PI4KA: variants seen among roughly 807,000 people sequenced by gnomAD.
PI4KA encodes the protein phosphatidylinositol 4-kinase alpha.
In PI4KA, 122 loss-of-function variants were observed where a neutral mutation model predicts 271.4. The observed-to-expected ratio is 0.45, with a 90% confidence interval of 0.39 to 0.52. The LOEUF is 0.52. Ranked by LOEUF, PI4KA falls within the 20% of genes least tolerant of loss-of-function variation. The pLI is 0.00. For synonymous variants in PI4KA, 1,041 were observed against 1,078.8 expected, an observed-to-expected ratio of 0.96 and a Z score of 0.69; for missense variants, 1,969 against 2,769.1, an observed-to-expected ratio of 0.71 and a Z score of 6.48.
chr22:20,850,683 C>T (rs182903485), intron 1 of PI4KA, among the ~76,000 whole-genome samples: 28 of 151,918 alleles, frequency 1.8e-4, no homozygotes, highest in Non-Finnish European at 3.2e-4. Context: ...GTGATCCGCC[C>T]GCCTCGGCCT....
chr22:20,811,516 A>G (rs1921002417), intron 8 of PI4KA, among the ~76,000 whole-genome samples: 1 of 148,176 alleles, frequency 6.7e-6, no homozygotes, highest in Admixed American at 7.0e-5. Context: ...TAGAGCTCAT[A>G]TTTTAAATTT....
At position 20,714,638 on chromosome 22, in the gene PI4KA, G is replaced by A. The variant is rs779563104; in HGVS notation, c.5380C>T (p.Pro1794Ser). 6.2e-7 allele frequency: 1 copy of A among 1,614,008 alleles called. No individual in the cohort carries two copies. Among genetic ancestry groups the A allele is most frequent in the Admixed American group, 1.7e-5 (1 of 60,022 alleles). Residue 1794 changes from proline to serine, a missense_variant, in exon 46 of 55, where the codon CCG (proline) becomes TCG (serine). Coordinates refer to ENST00000255882, the MANE Select transcript of PI4KA (RefSeq NM_058004.4). Reference protein sequence around the residue: ...VLDIDYKSGTPMQSAAKAPYL... With the variant: ...VLDIDYKSGTSMQSAAKAPYL... ...GGGTGAGGCGCCCACCTCTGCATCG[G>A]GGTCCCAGACTTGTAGTCGATGTCC... is the stretch of plus-strand genomic sequence containing the variant.
chr22:20,725,066 C>T (rs1284328118), intron 42 of PI4KA, among the ~76,000 whole-genome samples: 1 of 152,218 alleles, frequency 6.6e-6, no homozygotes, highest in Non-Finnish European at 1.5e-5. Context: ...AGGCTGGCTG[C>T]TGTTCTAGAA....
chr22:20,751,759 C>T lies in PI4KA; in HGVS notation c.2988-4G>A. 1.2e-6 allele frequency: 2 copies of T among 1,613,612 alleles called. No homozygotes were observed. The highest frequency in any genetic ancestry group is 1.1e-5 in the South Asian group (1 of 91,066). ...GCTCCAGAGCAAGTGGGGAAACCTG[C>T]ACCAAGAGCCAGCTCTCAGGACCAA... is the stretch of plus-strand genomic sequence containing the variant. On this transcript the variant is annotated splice_polypyrimidine_tract_variant and splice_region_variant and intron_variant, in intron 25 of 54. Transcript: ENST00000255882.
chr22:20,751,337 C>T lies in PI4KA; in HGVS notation c.3109G>A (p.Ala1037Thr), dbSNP rs1568988215. Residue 1037 changes from alanine to threonine, a missense_variant, in exon 27 of 55, where the codon GCC becomes ACC. Transcript: ENST00000255882. The part of the protein sequence containing the change: ...KDQPYYDIPD[A>T]PYRITVPDTY... ...TCAGGAACCGTGATCCGGTAGGGGGCGTCGGGGATGTCATAGTAAGGCTGA... is the reference window on the plus strand; with the variant it reads ...TCAGGAACCGTGATCCGGTAGGGGGTGTCGGGGATGTCATAGTAAGGCTGA... 1.9e-6 allele frequency: 3 copies of T among 1,613,912 alleles called. No individual in the cohort carries two copies. The highest frequency in any genetic ancestry group is 1.3e-5 in the African/African-American group (1 of 74,970).
intron 19 of PI4KA, among the ~76,000 whole-genome samples, chr22:20,770,550 G>C (rs1932824704): frequency 7.5e-6 from 1 of 132,764 alleles, no homozygotes; most frequent in Non-Finnish European, 1.6e-5. Flanking sequence ...AGAGAGATCG[G>C]TTTTGCTATG....
At chr22:20,847,730 C>T (rs1356312495) in intron 1 of PI4KA, among the ~76,000 whole-genome samples, 3 of 147,760 alleles carry the variant, frequency 2.0e-5, no homozygotes, top group Non-Finnish European at 4.4e-5. Context: ...GCTCTCCAGC[C>T]TGAGTGATAG....
chr22:20,811,358 G>T (rs1920990255), intron 8 of PI4KA, among the ~76,000 whole-genome samples: 1 of 152,068 alleles, frequency 6.6e-6, no homozygotes, highest in African/African-American at 2.4e-5. Flanking sequence ...CCCACTCATG[G>T]TTAACAGGCA....
chr22:20,714,182 A>AC (rs1555877934), intron 47 of PI4KA, among the ~76,000 whole-genome samples: 1 of 150,498 alleles, frequency 6.6e-6, no homozygotes, highest in African/African-American at 2.4e-5. Flanking sequence ...GGAAACTAAC[A>AC]CCCCCCAACA....
rs1333227564 is a variant in PI4KA, at chr22:20,769,561, C to T, written c.2329-3868G>A. On this transcript the variant is annotated intron_variant, in intron 19 of 54. Coordinates refer to ENST00000255882, the MANE Select transcript of PI4KA (RefSeq NM_058004.4). ...GCACACACCTGTAGTCCCAGGTACT[C>T]GGGAGGCTGAAGCAGGAGAATCGCT... 3.3e-5 allele frequency among the ~76,000 whole-genome samples: 5 copies of T among 151,558 alleles called. 1 individual carries two copies. Among genetic ancestry groups the T allele is most frequent in the East Asian group, 1.9e-4 (1 of 5,162 alleles).
chr22:20,734,404 G>A lies in PI4KA; in HGVS notation c.3891C>T (p.Ile1297=). The A allele has an allele frequency of 6.3e-7, 1 of 1,590,044 alleles. No individual in the cohort carries two copies. Among genetic ancestry groups the A allele is most frequent in the East Asian group, 2.2e-5 (1 of 44,620 alleles). Residue 1297 remains isoleucine (I), a synonymous_variant, in exon 33 of 55, where the codon ATC becomes ATT. Transcript: ENST00000255882. Reference sequence around the variant, plus strand: ...GGGAACAGGCACGTACGTCGATCCAGATGTAGTGGGGGGTCACTTCGGGGG... The same window carrying A: ...GGGAACAGGCACGTACGTCGATCCAAATGTAGTGGGGGGTCACTTCGGGGG... The part of the protein sequence containing the change: ...PCPPEVTPHY[I]WIDFLVQRFE...
intron 3 of PI4KA, among the ~76,000 whole-genome samples, chr22:20,833,864 T>C (rs185590335): frequency 2.0e-5 from 3 of 152,004 alleles, no homozygotes; most frequent in South Asian, 4.1e-4. Context: ...TTCACCATAT[T>C]GGCCAGGCTG....
Position 20,734,120 on chromosome 22 carries a change from C to T in PI4KA, c.3975G>A (p.Gln1325=). ...DQVEIFSSLL[Q]RSMSLNIGGA... Reference sequence around the variant, plus strand: ...CGCCGATGTTCAGGGACATGGAGCGCTGCAGCAGGCTGGAGAAGATCTCCA... The same window carrying T: ...CGCCGATGTTCAGGGACATGGAGCGTTGCAGCAGGCTGGAGAAGATCTCCA... Residue 1325 remains glutamine (Q), a synonymous_variant, in exon 34 of 55, where the codon CAG becomes CAA. Coordinates refer to ENST00000255882, the MANE Select transcript of PI4KA (RefSeq NM_058004.4). 1 of 1,598,328 alleles carries T rather than the reference C, an allele frequency of 6.3e-7. No individual in the cohort carries two copies. Among genetic ancestry groups the T allele is most frequent in the Non-Finnish European group, 8.5e-7 (1 of 1,173,286 alleles).
chr22:20,710,204 A>G, intron 52 of PI4KA: 1 of 626,922 alleles, frequency 1.6e-6, no homozygotes, highest in Admixed American at 2.5e-5. Context: ...GCCCACACGC[A>G]CTCTGGACAG....
At position 20,785,539 on chromosome 22, in the gene PI4KA, T is replaced by G. The variant is rs1934149928; in HGVS notation, c.2328+7654A>C. ...GGCACTACTGTTGCTATCCGCCCCCTTAGGGATTGAGTAAGTTGAGGCAAA... is the reference window on the plus strand; with the variant it reads ...GGCACTACTGTTGCTATCCGCCCCCGTAGGGATTGAGTAAGTTGAGGCAAA... On this transcript the variant is annotated intron_variant, in intron 19 of 54. Transcript: ENST00000255882. 5.9e-5 allele frequency among the ~76,000 whole-genome samples: 9 copies of G among 152,282 alleles called. No individual in the cohort carries two copies. In the South Asian group the frequency reaches 1.9e-3, roughly 32 times the overall value.
At chr22:20,735,845 T>A (rs980955000) in intron 32 of PI4KA, among the ~76,000 whole-genome samples, 1 of 152,132 alleles carries the variant, frequency 6.6e-6, no homozygotes, top group Non-Finnish European at 1.5e-5. Flanking sequence ...ATTAGTCTTA[T>A]GGAAGCAGAC....
At chr22:20,794,439 C>G (rs992859564) in intron 18 of PI4KA, among the ~76,000 whole-genome samples, 2 of 152,314 alleles carry the variant, frequency 1.3e-5, no homozygotes, top group East Asian at 3.9e-4. Context: ...GGACACACTT[C>G]TCTCCTGTGC....
rs776309118 is a variant in PI4KA, at chr22:20,765,082, T to C, written c.2574+18A>G. The C allele has an allele frequency of 1.1e-5, 17 of 1,597,680 alleles. No individual in the cohort carries two copies. Among genetic ancestry groups the C allele is most frequent in the Non-Finnish European group, 1.3e-5 (15 of 1,167,370 alleles). On this transcript the variant is annotated intron_variant, in intron 21 of 54. Transcript: ENST00000255882. The stretch of plus-strand genomic sequence containing the variant: ...ATTGGCACAGAGAGCATGGTAAAAA[T>C]GAGATGTGAATCCTTACGGGGGTGA...
chr22:20,805,604 G>A (rs531724529), intron 10 of PI4KA, among the ~76,000 whole-genome samples: 3 of 152,004 alleles, frequency 2.0e-5, no homozygotes, highest in East Asian at 3.9e-4. Context: ...AGGCCGAGGC[G>A]GGCAGATCAT....
Sources: allele counts gnomAD v4.1 joint callset (sites outside exome capture counted in the v4.1 genomes callset), GRCh38; gene constraint gnomAD v4.1.1; transcripts MANE v1.5; gene names NCBI Gene and HGNC (gene_info 2026-07-23, HGNC 2026-07-21).